FSTL5: variants seen among roughly 807,000 people sequenced by gnomAD.
FSTL5 encodes the protein follistatin like 5, also known as follistatin-related protein 5.
In FSTL5, 62 loss-of-function variants were observed where a neutral mutation model predicts 89.1. The observed-to-expected ratio is 0.70, with a 90% CI of 0.57 to 0.86. FSTL5 has a LOEUF of 0.86. Ranked by LOEUF, FSTL5 falls within the 40% of genes least tolerant of loss-of-function variation. The probability of loss-of-function intolerance (pLI) is 0.00; values close to 1 mark genes in which losing one functional copy is unlikely to be tolerated. For synonymous variants in FSTL5, 383 were observed against 346.2 expected, an observed-to-expected ratio of 1.11 and a Z score of -1.18; for missense variants, 1,057 against 1,001.6, an observed-to-expected ratio of 1.06 and a Z score of -0.75.
chr4:161,809,917 C>T (rs1426897263), intron 4 of FSTL5, among the ~76,000 whole-genome samples: 1 of 152,034 alleles, frequency 6.6e-6, no homozygotes, highest in Non-Finnish European at 1.5e-5. Flanking sequence ...TGATGATAGC[C>T]ACACAACAAT....
chr4:162,081,297 A>G (rs567146408), intron 2 of FSTL5, among the ~76,000 whole-genome samples: 2 of 151,668 alleles, frequency 1.3e-5, no homozygotes, highest in South Asian at 4.1e-4. Context: ...AATGGATCAC[A>G]GTGAAACTAG....
chr4:161,502,576 T>C (rs1730331462), intron 11 of FSTL5, among the ~76,000 whole-genome samples: 1 of 151,932 alleles, frequency 6.6e-6, no homozygotes. Flanking sequence ...TAAATGCCTA[T>C]ATACTGGTAA....
intron 7 of FSTL5, among the ~76,000 whole-genome samples, chr4:161,602,264 A>AGAGC (rs1456826886): frequency 4.6e-5 from 5 of 109,368 alleles, no homozygotes; most frequent in Non-Finnish European, 1.0e-4. Flanking sequence ...AGAGAGAGAG[A>AGAGC]GAGAGAGAGA....
chr4:161,400,899 C>CT (rs2110905133), intron 15 of FSTL5, among the ~76,000 whole-genome samples: 1 of 152,224 alleles, frequency 6.6e-6, no homozygotes, highest in South Asian at 2.1e-4. Context: ...GTTCCATAAA[C>CT]TATCCTGTCT....
intron 3 of FSTL5, among the ~76,000 whole-genome samples, chr4:162,023,067 C>T (rs2111163213): frequency 6.6e-6 from 1 of 152,152 alleles, no homozygotes; most frequent in Admixed American, 6.6e-5. Flanking sequence ...CACGTGTATC[C>T]CCATACATTT....
intron 6 of FSTL5, among the ~76,000 whole-genome samples, chr4:161,741,043 C>A (rs1434617): frequency 0.54 from 82,770 of 151,974 alleles, 26,309 homozygotes; most frequent in Non-Finnish European, 0.71. Flanking sequence ...GATCTAATCA[C>A]CTTCCAAAAG....
chr4:161,813,656 T>C (rs551952157), intron 4 of FSTL5, among the ~76,000 whole-genome samples: 10 of 152,334 alleles, frequency 6.6e-5, no homozygotes, highest in African/African-American at 2.4e-4. Context: ...AAACAGAGCA[T>C]CTCTAGAAAT....
intron 6 of FSTL5, among the ~76,000 whole-genome samples, chr4:161,694,931 C>T (rs562803880): frequency 2.6e-4 from 38 of 143,414 alleles, no homozygotes; most frequent in African/African-American, 9.0e-4. Context: ...CTCCAGTCAA[C>T]GGGTGAACCT....
At chr4:161,405,821 C>T (rs924194404) in intron 15 of FSTL5, among the ~76,000 whole-genome samples, 1 of 152,056 alleles carries the variant, frequency 6.6e-6, no homozygotes, top group Non-Finnish European at 1.5e-5. Flanking sequence ...AACAAAAGAT[C>T]CTAAATAAGA....
At chr4:161,408,755 A>C (rs923415546) in intron 15 of FSTL5, among the ~76,000 whole-genome samples, 1 of 152,198 alleles carries the variant, frequency 6.6e-6, no homozygotes. Flanking sequence ...TTGAGCTAAA[A>C]AATTCACTAC....
chr4:161,992,099 A>G (rs1736128417), intron 3 of FSTL5, among the ~76,000 whole-genome samples: 1 of 152,182 alleles, frequency 6.6e-6, no homozygotes, highest in South Asian at 2.1e-4. Context: ...CAGAGAGATT[A>G]AAAGGCAGGA....
intron 4 of FSTL5, among the ~76,000 whole-genome samples, chr4:161,869,816 A>G (rs1415814361): frequency 6.6e-6 from 1 of 152,212 alleles, no homozygotes; most frequent in Non-Finnish European, 1.5e-5. Flanking sequence ...ACAGATAGGT[A>G]TTTGTCCAGG....
intron 15 of FSTL5, among the ~76,000 whole-genome samples, chr4:161,400,208 C>G (rs1489166856): frequency 3.3e-5 from 5 of 151,964 alleles, no homozygotes; most frequent in Non-Finnish European, 7.4e-5. Context: ...TTATTCAGGT[C>G]AACTGCATTT....
chr4:161,657,970 G>A (rs544468202), intron 6 of FSTL5, among the ~76,000 whole-genome samples: 1 of 152,138 alleles, frequency 6.6e-6, no homozygotes, highest in Non-Finnish European at 1.5e-5. Flanking sequence ...AAGTGAACAG[G>A]AATGCTCTTG....
At chr4:161,684,203 G>C (rs541389419) in intron 6 of FSTL5, among the ~76,000 whole-genome samples, 1 of 152,152 alleles carries the variant, frequency 6.6e-6, no homozygotes, top group Non-Finnish European at 1.5e-5. Context: ...TTGGTTCCAT[G>C]TTTTTGCAAT....
intron 4 of FSTL5, among the ~76,000 whole-genome samples, chr4:161,850,469 C>A (rs1256683668): frequency 1.3e-5 from 2 of 152,070 alleles, no homozygotes; most frequent in Middle Eastern, 3.4e-3. Flanking sequence ...TGCAAAAATA[C>A]GTGTGTGCTT....
chr4:161,813,381 A>G (rs1274602933), intron 4 of FSTL5, among the ~76,000 whole-genome samples: 1 of 152,122 alleles, frequency 6.6e-6, no homozygotes, highest in African/African-American at 2.4e-5. Flanking sequence ...TTTAATCAAC[A>G]TACTAACCTG....
At chr4:162,065,184 G>C (rs568501649) in intron 2 of FSTL5, among the ~76,000 whole-genome samples, 60 of 152,030 alleles carry the variant, frequency 3.9e-4, no homozygotes, top group African/African-American at 1.4e-3. Context: ...AAATCTCTTT[G>C]ACATTAATCT....
chr4:162,000,387 T>C (rs1281555606), intron 3 of FSTL5, among the ~76,000 whole-genome samples: 2 of 151,918 alleles, frequency 1.3e-5, no homozygotes, highest in East Asian at 3.9e-4. Flanking sequence ...GGTCAGGAGT[T>C]TGAGACCAGT....
Sources: allele counts gnomAD v4.1 joint callset (sites outside exome capture counted in the v4.1 genomes callset), GRCh38; gene constraint gnomAD v4.1.1; transcripts MANE v1.5; gene names NCBI Gene and HGNC (gene_info 2026-07-23, HGNC 2026-07-21).